SGPP1: variants seen among roughly 807,000 people sequenced by gnomAD.
SGPP1 encodes hSPP1.
A neutral mutation model predicts 33.0 loss-of-function variants in SGPP1; 21 were observed. The observed-to-expected ratio is 0.64, with a 90% CI of 0.45 to 0.92. SGPP1 has a LOEUF of 0.92. Ranked by LOEUF, SGPP1 falls within the 40% of genes least tolerant of loss-of-function variation. SGPP1 has a pLI of 0.00. For missense variants in SGPP1, 543 were observed against 589.4 expected, an observed-to-expected ratio of 0.92 and a Z score of 0.81; for synonymous variants, 239 against 241.2, an observed-to-expected ratio of 0.99 and a Z score of 0.08.
intron 2 of SGPP1, among the ~76,000 whole-genome samples, chr14:63,697,513 C>A (rs938954109): frequency 2.0e-5 from 3 of 152,294 alleles, no homozygotes; most frequent in African/African-American, 7.2e-5. Flanking sequence ...ATAGATGCCT[C>A]ATGAGACACC....
chr14:63,708,346 C>T (rs1885457416), intron 1 of SGPP1, among the ~76,000 whole-genome samples: 1 of 149,740 alleles, frequency 6.7e-6, no homozygotes, highest in Admixed American at 6.7e-5. Flanking sequence ...ACCTCCGCCT[C>T]CTGGGTTCAA....
intron 1 of SGPP1, among the ~76,000 whole-genome samples, chr14:63,702,655 A>G (rs1885323924): frequency 6.6e-6 from 1 of 152,142 alleles, no homozygotes; most frequent in South Asian, 2.1e-4. Context: ...GGTTGCAGTG[A>G]GCCGAGATTG....
At chr14:63,715,452 C>A (rs2139650066) in intron 1 of SGPP1, among the ~76,000 whole-genome samples, 1 of 152,214 alleles carries the variant, frequency 6.6e-6, no homozygotes, top group Non-Finnish European at 1.5e-5. Context: ...ATGAAGCATT[C>A]TGTTGTGTGT....
intron 1 of SGPP1, among the ~76,000 whole-genome samples, chr14:63,721,328 C>G (rs1379135559): frequency 6.6e-6 from 1 of 151,876 alleles, no homozygotes; most frequent in African/African-American, 2.4e-5. Flanking sequence ...CCTGTCATCC[C>G]AGCTACCCAG....
chr14:63,725,311 T>C (rs1055836914), intron 1 of SGPP1, among the ~76,000 whole-genome samples: 2 of 152,030 alleles, frequency 1.3e-5, no homozygotes, highest in Non-Finnish European at 2.9e-5. Context: ...GAGGCAGAGG[T>C]TGCAGTGAGC....
intron 1 of SGPP1, among the ~76,000 whole-genome samples, chr14:63,721,180 G>A (rs935314784): frequency 3.3e-5 from 5 of 152,194 alleles, no homozygotes; most frequent in Admixed American, 1.3e-4. Flanking sequence ...ACAGCACCCA[G>A]CCTAATTTCT....
chr14:63,699,573 G>GT (rs929946189), intron 1 of SGPP1, among the ~76,000 whole-genome samples: 19 of 152,086 alleles, frequency 1.2e-4, no homozygotes, highest in African/African-American at 3.6e-4. Flanking sequence ...GTTTTGTTCT[G>GT]TTTTTTTAGA....
At chr14:63,701,856 G>C (rs1885305281) in intron 1 of SGPP1, among the ~76,000 whole-genome samples, 1 of 149,316 alleles carries the variant, frequency 6.7e-6, no homozygotes, top group African/African-American at 2.5e-5. Context: ...TCTACAGCAG[G>C]GACTTGACCT....
chr14:63,685,331 G>T lies in SGPP1; in HGVS notation c.*774C>A, dbSNP rs1349568504. 1 of 152,246 alleles carries T rather than the reference G, an allele frequency of 6.6e-6. No individual in the cohort carries two copies. Among genetic ancestry groups the T allele is most frequent in the Non-Finnish European group, 1.5e-5 (1 of 67,886 alleles). The allele number at this position is 152,246 out of a possible 1,614,324, so 9.4% of individuals were successfully genotyped here. Reference sequence around the variant, plus strand: ...TTATTTTTACATCACAGTACACATAGCATTTCTTAATTTAGCAACGGAAAG... The same window carrying T: ...TTATTTTTACATCACAGTACACATATCATTTCTTAATTTAGCAACGGAAAG... On this transcript the variant is annotated 3_prime_UTR_variant, in exon 3 of 3. Transcript: ENST00000247225.
intron 1 of SGPP1, among the ~76,000 whole-genome samples, chr14:63,712,774 C>G (rs1885550886): frequency 7.3e-6 from 1 of 136,788 alleles, no homozygotes; most frequent in South Asian, 2.4e-4. Flanking sequence ...CTCAAGTGAT[C>G]CTCCTGAGTA....
At chr14:63,720,633 G>A (rs1885751685) in intron 1 of SGPP1, among the ~76,000 whole-genome samples, 2 of 151,990 alleles carry the variant, frequency 1.3e-5, no homozygotes, top group African/African-American at 4.8e-5. Flanking sequence ...GATGGTGGAC[G>A]CCTGTAATCC....
intron 1 of SGPP1, among the ~76,000 whole-genome samples, chr14:63,703,689 T>A: frequency 7.0e-6 from 1 of 143,426 alleles, no homozygotes; most frequent in African/African-American, 2.6e-5. Context: ...ACCTAATTAA[T>A]GAAAAGATAT....
chr14:63,725,533 C>T (rs542104184), intron 1 of SGPP1, among the ~76,000 whole-genome samples: 2 of 152,272 alleles, frequency 1.3e-5, no homozygotes, highest in South Asian at 2.1e-4. Flanking sequence ...TTCTAACATC[C>T]GGTCTACTTC....
chr14:63,690,433 A>G (rs898165957), intron 2 of SGPP1, among the ~76,000 whole-genome samples: 5 of 152,238 alleles, frequency 3.3e-5, no homozygotes, highest in South Asian at 2.1e-4. Flanking sequence ...TAAAAGAGAT[A>G]TAACTCCAAA....
intron 2 of SGPP1, among the ~76,000 whole-genome samples, chr14:63,693,076 ACAC>A (rs1411977238): frequency 6.6e-6 from 1 of 152,202 alleles, no homozygotes; most frequent in Non-Finnish European, 1.5e-5. Flanking sequence ...CCACAGGCAC[ACAC>A]CACCACACCT....
chr14:63,694,221 CAG>C (rs749416535), intron 2 of SGPP1, among the ~76,000 whole-genome samples: 2 of 150,904 alleles, frequency 1.3e-5, no homozygotes, highest in Non-Finnish European at 2.9e-5. Flanking sequence ...TTGCAGTGAG[CAG>C]AGATTACGCC....
chr14:63,727,227 C>T, intron 1 of SGPP1, 34 bp downstream of exon 1: 2 of 1,568,608 alleles, frequency 1.3e-6, no homozygotes, highest in Non-Finnish European at 1.7e-6. Context: ...TCTTTGAACT[C>T]CCCCAGGCTG....
Position 63,727,743 on chromosome 14 carries a change from G to C in SGPP1, c.202C>G (p.Pro68Ala). The change falls in exon 1 of 3, where the codon CCT becomes GCT. Residue 68 changes from proline to alanine, a missense_variant. By Grantham distance (27) the Pro-to-Ala change is conservative. Coordinates refer to ENST00000247225, the MANE Select transcript of SGPP1 (RefSeq NM_030791.4). ...RQPGAPGGPQ[P>A]PGSDRNQCPA... ...CACTGATTGCGGTCGCTCCCGGGAG[G>C]CTGGGGGCCTCCAGGCGCCCCTGGC... 1.4e-6 allele frequency: 2 copies of C among 1,477,146 alleles called. No individual in the cohort carries two copies. Among genetic ancestry groups the C allele is most frequent in the Non-Finnish European group, 1.8e-6 (2 of 1,121,212 alleles). The allele number at this position is 1,477,146 out of a possible 1,614,324, so 91.5% of individuals were successfully genotyped here.
intron 1 of SGPP1, among the ~76,000 whole-genome samples, chr14:63,707,416 C>T (rs1312418390): frequency 6.6e-6 from 1 of 152,140 alleles, no homozygotes; most frequent in African/African-American, 2.4e-5. Flanking sequence ...GTCAGAGCTA[C>T]AGGCAGGCCC....
Sources: allele counts gnomAD v4.1 joint callset (sites outside exome capture counted in the v4.1 genomes callset), GRCh38; gene constraint gnomAD v4.1.1; transcripts MANE v1.5; gene names NCBI Gene and HGNC (gene_info 2026-07-23, HGNC 2026-07-21).